The following CSMD1 variants were observed in gnomAD, a reference collection of about 807,000 sequenced individuals.
CSMD1 encodes CUB and sushi domain-containing protein 1.
CSMD1 carries 213 observed loss-of-function variants against 417.5 expected under a neutral mutation model. That is an observed-to-expected ratio of 0.51 (90% CI 0.46 to 0.57). The LOEUF is 0.57. Ranked by LOEUF, CSMD1 falls within the 20% of genes least tolerant of loss-of-function variation. CSMD1 has a pLI of 0.00. For synonymous variants in CSMD1, 2,862 were observed against 1,736.8 expected, an observed-to-expected ratio of 1.65 and a Z score of -16.11; for missense variants, 6,923 against 4,529.7, an observed-to-expected ratio of 1.53 and a Z score of -15.17.
At chr8:4,843,781 G>A (rs1433385140) in intron 1 of CSMD1, among the ~76,000 whole-genome samples, 2 of 152,176 alleles carry the variant, frequency 1.3e-5, no homozygotes, top group African/African-American at 2.4e-5. Flanking sequence ...GAACGTATCC[G>A]TTGAATGAAC....
chr8:3,434,694 C>T (rs1413280312), intron 12 of CSMD1, among the ~76,000 whole-genome samples: 2 of 152,102 alleles, frequency 1.3e-5, no homozygotes, highest in Non-Finnish European at 2.9e-5. Context: ...CATTCCTGCC[C>T]CATAGACTTC....
chr8:3,730,186 C>T (rs1802760288), intron 6 of CSMD1, among the ~76,000 whole-genome samples: 1 of 151,948 alleles, frequency 6.6e-6, no homozygotes, highest in Non-Finnish European at 1.5e-5. Context: ...ATCATGTCTC[C>T]AACAGGTAGG....
chr8:3,288,191 TG>T (rs1438207077), intron 25 of CSMD1, among the ~76,000 whole-genome samples: 1 of 147,506 alleles, frequency 6.8e-6, no homozygotes, highest in Non-Finnish European at 1.5e-5. Flanking sequence ...GATGTATTGC[TG>T]GATTTGGTTT....
At chr8:4,362,454 C>A (rs1801827077) in intron 3 of CSMD1, among the ~76,000 whole-genome samples, 1 of 152,132 alleles carries the variant, frequency 6.6e-6, no homozygotes, top group Non-Finnish European at 1.5e-5. Context: ...TGTTAAAGGT[C>A]CCTTGCTGAT....
Position 2,987,241 on chromosome 8 carries a change from A to C in CSMD1, c.8378-8441T>G, listed in dbSNP as rs1805998600. Among the ~76,000 whole-genome samples, 3 of 152,092 alleles carry C rather than the reference A, an allele frequency of 2.0e-5. No individual in the cohort carries two copies. In the South Asian group the frequency reaches 6.2e-4, roughly 32 times the overall value. The stretch of plus-strand genomic sequence containing the variant: ...TTAAAATTTTAATTAAAGAGGCATT[A>C]ATTTTATAAGGATAATTCTTGACAT... On this transcript the variant is annotated intron_variant, in intron 54 of 69. Coordinates refer to ENST00000635120, the MANE Select transcript of CSMD1 (RefSeq NM_033225.6).
chr8:3,297,942 C>T (rs764393454), intron 25 of CSMD1, among the ~76,000 whole-genome samples: 4 of 152,030 alleles, frequency 2.6e-5, no homozygotes, highest in Non-Finnish European at 5.9e-5. Flanking sequence ...CAAAAGGCTT[C>T]AACTGGCAAT....
intron 2 of CSMD1, among the ~76,000 whole-genome samples, chr8:4,449,980 T>A (rs1799038072): frequency 6.6e-6 from 1 of 152,188 alleles, no homozygotes. Context: ...ATTCTGCCTT[T>A]CACTGGCCCT....
At chr8:3,461,668 A>G (rs79464961) in intron 12 of CSMD1, among the ~76,000 whole-genome samples, 5,201 of 152,294 alleles carry the variant, frequency 0.034, 166 homozygotes, top group East Asian at 0.15. Context: ...CCAAGGCCTC[A>G]CCAGTAATGG....
At chr8:4,743,743 T>C (rs1217046909) in intron 1 of CSMD1, among the ~76,000 whole-genome samples, 1 of 152,192 alleles carries the variant, frequency 6.6e-6, no homozygotes, top group Non-Finnish European at 1.5e-5. Context: ...AACTATAAAT[T>C]TTAGGTACAG....
intron 1 of CSMD1, among the ~76,000 whole-genome samples, chr8:4,688,133 T>C (rs1806508679): frequency 6.6e-6 from 1 of 152,160 alleles, no homozygotes; most frequent in Admixed American, 6.5e-5. Flanking sequence ...TATGAGGTAT[T>C]TGATTCTAAG....
chr8:4,560,507 C>G (rs868609294), intron 2 of CSMD1, among the ~76,000 whole-genome samples: 1 of 152,170 alleles, frequency 6.6e-6, no homozygotes, highest in Non-Finnish European at 1.5e-5. Flanking sequence ...GACACCCAAA[C>G]TTTAACATGA....
chr8:3,568,750 T>C (rs1444431340), intron 10 of CSMD1, among the ~76,000 whole-genome samples: 2 of 152,102 alleles, frequency 1.3e-5, no homozygotes, highest in African/African-American at 4.8e-5. Flanking sequence ...TATATATGTA[T>C]GCATGCATAC....
chr8:3,842,467 C>G (rs911919383), intron 5 of CSMD1, among the ~76,000 whole-genome samples: 1 of 152,008 alleles, frequency 6.6e-6, no homozygotes, highest in Non-Finnish European at 1.5e-5. Flanking sequence ...TCTCATTGTT[C>G]ATTACTAGTA....
intron 7 of CSMD1, among the ~76,000 whole-genome samples, chr8:3,679,743 C>A (rs553178638): frequency 6.6e-6 from 1 of 152,202 alleles, no homozygotes; most frequent in South Asian, 2.1e-4. Flanking sequence ...TTCTTCTCAG[C>A]ATCACACCAC....
chr8:3,278,759 A>G (rs1012354365), intron 26 of CSMD1: 2 of 151,996 alleles, frequency 1.3e-5, no homozygotes, highest in African/African-American at 4.8e-5. Flanking sequence ...CTTGGGTGTG[A>G]TGGACAGGCT....
chr8:3,515,249 A>C (rs1240804970), intron 10 of CSMD1: 1 of 152,230 alleles, frequency 6.6e-6, no homozygotes, highest in East Asian at 1.9e-4. Flanking sequence ...CCTTAATATA[A>C]ATAACAGCAC....
chr8:3,218,484 C>T (rs6987016), intron 29 of CSMD1, among the ~76,000 whole-genome samples: 41,376 of 149,412 alleles, frequency 0.28, 5,889 homozygotes, highest in Admixed American at 0.3. Context: ...TCGCTTGAAC[C>T]CTGGAGGCAG....
intron 1 of CSMD1, among the ~76,000 whole-genome samples, chr8:4,701,763 C>A (rs1239536672): frequency 2.7e-5 from 3 of 110,576 alleles, no homozygotes; most frequent in Non-Finnish European, 5.2e-5. Flanking sequence ...TTTCTTCAAA[C>A]AAGTTTTAGA....
chr8:3,007,150 GC>G lies in CSMD1; in HGVS notation c.8030-7020del, dbSNP rs751852343. Among the ~76,000 whole-genome samples, 394 of 149,862 alleles carry G rather than the reference GC, an allele frequency of 2.6e-3. 1 individual carries two copies. Among genetic ancestry groups the G allele is most frequent in the Non-Finnish European group, 4.6e-3 (313 of 67,454 alleles). On this transcript the variant is annotated intron_variant, in intron 52 of 69. Coordinates refer to ENST00000635120, the MANE Select transcript of CSMD1 (RefSeq NM_033225.6). ...ACACTTCTCAAAAGAAGACATTTAT[GC>G]AGCCAAAAGACACATGAAAAAATGC... is the stretch of plus-strand genomic sequence containing the variant.
Sources: allele counts gnomAD v4.1 joint callset (sites outside exome capture counted in the v4.1 genomes callset), GRCh38; gene constraint gnomAD v4.1.1; transcripts MANE v1.5; gene names NCBI Gene and HGNC (gene_info 2026-07-23, HGNC 2026-07-21).